Variants in MAPKAP1 observed in about 807,000 individuals in gnomAD.
The protein encoded by MAPKAP1 is target of rapamycin complex 2 subunit MAPKAP1.
MAPKAP1 carries 20 observed loss-of-function variants against 65.7 expected under a neutral mutation model. The observed-to-expected ratio is 0.30, with a 90% confidence interval of 0.21 to 0.44. The LOEUF (loss-of-function observed/expected upper bound fraction) is 0.44, where lower values mean the gene tolerates loss of function less well. Ranked by LOEUF, MAPKAP1 falls within the 20% of genes least tolerant of loss-of-function variation. The pLI is 1.00. For missense variants in MAPKAP1, 423 were observed against 648.0 expected (o/e 0.65, Z 3.77); for synonymous variants, 222 against 244.3 (o/e 0.91, Z 0.85).
intron 10 of MAPKAP1, among the ~76,000 whole-genome samples, chr9:125,449,299 TC>T (rs1445407591): frequency 6.6e-5 from 10 of 152,180 alleles, no homozygotes; most frequent in African/African-American, 2.4e-4. Flanking sequence ...CTGTCAGTGA[TC>T]TCTTATATGT....
chr9:125,652,752 T>A (rs1188296089), intron 4 of MAPKAP1, among the ~76,000 whole-genome samples: 1 of 151,808 alleles, frequency 6.6e-6, no homozygotes, highest in African/African-American at 2.4e-5. Flanking sequence ...ACCAAAAGTT[T>A]AAAAAAAATA....
intron 1 of MAPKAP1, among the ~76,000 whole-genome samples, chr9:125,689,449 A>C (rs1195193760): frequency 2.1e-5 from 3 of 142,198 alleles, no homozygotes; most frequent in Admixed American, 7.1e-5. Context: ...AAAAAAAAAA[A>C]AAAAAAAAAA....
chr9:125,458,679 T>C (rs948469865), intron 10 of MAPKAP1, among the ~76,000 whole-genome samples: 1 of 150,108 alleles, frequency 6.7e-6, no homozygotes, highest in Non-Finnish European at 1.5e-5. Context: ...CCCCCCTTTC[T>C]ATTCCACAAA....
chr9:125,485,149 C>T (rs537529246), intron 8 of MAPKAP1, among the ~76,000 whole-genome samples: 3 of 152,154 alleles, frequency 2.0e-5, no homozygotes, highest in Non-Finnish European at 4.4e-5. Context: ...AAGACACTTG[C>T]TTAAGGTTAC....
intron 9 of MAPKAP1, among the ~76,000 whole-genome samples, chr9:125,481,511 C>T (rs1005780970): frequency 6.6e-5 from 10 of 151,924 alleles, no homozygotes; most frequent in African/African-American, 2.2e-4. Flanking sequence ...CAGCCTTGAC[C>T]TCCCAGACTC....
At chr9:125,627,135 C>G (rs1833140647) in intron 4 of MAPKAP1, among the ~76,000 whole-genome samples, 1 of 152,152 alleles carries the variant, frequency 6.6e-6, no homozygotes, top group South Asian at 2.1e-4. Flanking sequence ...CCCACTGAAG[C>G]CTTCTGTGAA....
intron 10 of MAPKAP1, among the ~76,000 whole-genome samples, chr9:125,460,547 C>T (rs757917008): frequency 2.6e-5 from 4 of 152,140 alleles, no homozygotes; most frequent in African/African-American, 4.8e-5. Flanking sequence ...TGCCTGATGA[C>T]GAATATGGGA....
At chr9:125,505,303 T>C (rs2133081742) in intron 8 of MAPKAP1, among the ~76,000 whole-genome samples, 1 of 152,300 alleles carries the variant, frequency 6.6e-6, no homozygotes, top group Middle Eastern at 3.4e-3. Context: ...CATGTGCCTA[T>C]AGTCCCAGCT....
intron 4 of MAPKAP1, among the ~76,000 whole-genome samples, chr9:125,655,105 T>C (rs1203460003): frequency 1.3e-5 from 2 of 151,924 alleles, no homozygotes; most frequent in South Asian, 2.1e-4. Flanking sequence ...AACAAATCTT[T>C]GTAAAAAAAA....
intron 1 of MAPKAP1, among the ~76,000 whole-genome samples, chr9:125,687,411 C>A (rs953696082): frequency 6.6e-6 from 1 of 151,976 alleles, no homozygotes; most frequent in Non-Finnish European, 1.5e-5. Flanking sequence ...TCAGTGCTTC[C>A]GACTGTTTCC....
chr9:125,569,498 CTG>C (rs1212446932), intron 5 of MAPKAP1, among the ~76,000 whole-genome samples: 1 of 152,182 alleles, frequency 6.6e-6, no homozygotes, highest in Admixed American at 6.5e-5. Context: ...TTTCCTTTCT[CTG>C]AATACCTGGG....
intron 7 of MAPKAP1, among the ~76,000 whole-genome samples, chr9:125,542,423 T>A (rs1418946274): frequency 6.6e-6 from 1 of 152,236 alleles, no homozygotes; most frequent in Non-Finnish European, 1.5e-5. Context: ...ATTAAAGTTG[T>A]CTGTGATATG....
intron 8 of MAPKAP1, among the ~76,000 whole-genome samples, chr9:125,494,148 C>A (rs1384913450): frequency 6.6e-6 from 1 of 152,116 alleles, no homozygotes; most frequent in Non-Finnish European, 1.5e-5. Flanking sequence ...GCTCTGCATC[C>A]ATCACATTTT....
intron 6 of MAPKAP1, among the ~76,000 whole-genome samples, chr9:125,553,265 C>T (rs191636061): frequency 4.6e-5 from 7 of 152,258 alleles, no homozygotes; most frequent in Admixed American, 4.6e-4. Flanking sequence ...AGGCTGGGCG[C>T]GGTGGCTCAT....
chr9:125,516,373 C>G (rs954055959), intron 7 of MAPKAP1, among the ~76,000 whole-genome samples: 13 of 152,188 alleles, frequency 8.5e-5, no homozygotes, highest in Admixed American at 8.5e-4. Flanking sequence ...TGGAAGAGGC[C>G]TAATTTTTAG....
chr9:125,596,170 C>T (rs1342593589), intron 4 of MAPKAP1: 1 of 769,708 alleles, frequency 1.3e-6, no homozygotes, highest in African/African-American at 1.7e-5. Context: ...AAACACCATA[C>T]TGTGAATGGC....
chr9:125,674,920 G>A (rs1052206180), intron 1 of MAPKAP1, among the ~76,000 whole-genome samples: 1 of 152,020 alleles, frequency 6.6e-6, no homozygotes, highest in African/African-American at 2.4e-5. Context: ...GAGATATCTG[G>A]TCCCTGAAGT....
chr9:125,493,525 G>A (rs563667300), intron 8 of MAPKAP1, among the ~76,000 whole-genome samples: 8 of 152,330 alleles, frequency 5.3e-5, no homozygotes, highest in Non-Finnish European at 8.8e-5. Context: ...GCTGCTGATG[G>A]AACAAGTGAA....
intron 5 of MAPKAP1, among the ~76,000 whole-genome samples, chr9:125,561,381 C>T (rs527946671): frequency 1.3e-5 from 2 of 152,120 alleles, no homozygotes; most frequent in Non-Finnish European, 2.9e-5. Context: ...GTAATAAGGA[C>T]AAATTAAAAT....
Sources: allele counts gnomAD v4.1 joint callset (sites outside exome capture counted in the v4.1 genomes callset), GRCh38; gene constraint gnomAD v4.1.1; transcripts MANE v1.5; gene names NCBI Gene and HGNC (gene_info 2026-07-23, HGNC 2026-07-21).